C1orf21: variants seen among roughly 807,000 people sequenced by gnomAD.
The protein encoded by C1orf21 is chromosome 1 open reading frame 21.
Under a neutral mutation model 18.7 loss-of-function variants are expected in C1orf21, and 3 were observed. That is an observed-to-expected ratio of 0.16 (90% CI 0.07 to 0.42). The LOEUF is 0.42. Among genes scored for constraint, C1orf21 ranks in the 10% least tolerant of loss-of-function variants. The pLI, the probability that C1orf21 is intolerant of heterozygous loss-of-function variation, is 0.99. For missense variants in C1orf21, 104 were observed against 143.6 expected (o/e 0.72, Z 1.41); for synonymous variants, 41 against 46.4 (o/e 0.88, Z 0.47).
At chr1:184,499,766 AAGGACAAATCTCTCTGCAAC>A (rs1229334692) in intron 2 of C1orf21, among the ~76,000 whole-genome samples, 3 of 152,096 alleles carry the variant, frequency 2.0e-5, no homozygotes, top group Admixed American at 2.0e-4. Context: ...CTAACCAACC[AAGGACAAATCTCTCTGCAAC>A]TGTAAAAGAG....
intron 3 of C1orf21, among the ~76,000 whole-genome samples, chr1:184,549,768 G>A (rs1365962358): frequency 6.6e-6 from 1 of 151,860 alleles, no homozygotes; most frequent in Non-Finnish European, 1.5e-5. Context: ...CATCACTACA[G>A]TCCCAATATG....
chr1:184,452,064 C>T (rs1243073801), intron 1 of C1orf21, among the ~76,000 whole-genome samples: 1 of 152,212 alleles, frequency 6.6e-6, no homozygotes. Flanking sequence ...AAGCCGCCTC[C>T]TTAAATGAAA....
At chr1:184,457,281 A>G (rs1657231884) in intron 1 of C1orf21, among the ~76,000 whole-genome samples, 1 of 152,220 alleles carries the variant, frequency 6.6e-6, no homozygotes. Context: ...CTGAGCAAAG[A>G]TGAGTAAAAC....
chr1:184,493,016 A>G (rs1657837240), intron 2 of C1orf21, among the ~76,000 whole-genome samples: 1 of 152,214 alleles, frequency 6.6e-6, no homozygotes, highest in Non-Finnish European at 1.5e-5. Flanking sequence ...GCCAGACTAT[A>G]ATAGGGCAAG....
chr1:184,583,130 T>C (rs1364558072), intron 3 of C1orf21, among the ~76,000 whole-genome samples: 4 of 152,120 alleles, frequency 2.6e-5, no homozygotes, highest in Non-Finnish European at 4.4e-5. Context: ...TGAGCCACTG[T>C]GCCTGGCCAG....
At chr1:184,406,376 G>A (rs1458068750) in intron 1 of C1orf21, among the ~76,000 whole-genome samples, 1 of 151,996 alleles carries the variant, frequency 6.6e-6, no homozygotes, top group African/African-American at 2.4e-5. Flanking sequence ...GAGGGTGAGG[G>A]AGTAATACTC....
At chr1:184,424,161 T>G (rs1487570290) in intron 1 of C1orf21, among the ~76,000 whole-genome samples, 2 of 152,216 alleles carry the variant, frequency 1.3e-5, no homozygotes, top group Non-Finnish European at 2.9e-5. Flanking sequence ...TTTTTGTGAT[T>G]GCTTTTATCA....
intron 3 of C1orf21, among the ~76,000 whole-genome samples, chr1:184,558,478 A>ACATAAACC (rs1430850721): frequency 1.3e-5 from 2 of 152,236 alleles, no homozygotes; most frequent in African/African-American, 4.8e-5. Context: ...GTCAAAATGT[A>ACATAAACC]CATAAACCAT....
At chr1:184,455,749 G>C (rs935792383) in intron 1 of C1orf21, among the ~76,000 whole-genome samples, 1 of 152,174 alleles carries the variant, frequency 6.6e-6, no homozygotes, top group Non-Finnish European at 1.5e-5. Context: ...AATATCTGCT[G>C]AATGGGATCA....
chr1:184,511,673 A>G (rs545866379), intron 3 of C1orf21, among the ~76,000 whole-genome samples: 5 of 152,346 alleles, frequency 3.3e-5, no homozygotes, highest in East Asian at 1.9e-4. Context: ...TCCTATAAAG[A>G]CATATCTGAG....
intron 5 of C1orf21, among the ~76,000 whole-genome samples, chr1:184,615,056 T>C (rs1340092733): frequency 6.6e-6 from 1 of 152,256 alleles, no homozygotes; most frequent in Non-Finnish European, 1.5e-5. Flanking sequence ...AGTCACTCTT[T>C]GAGCTGTTGC....
chr1:184,415,027 G>GT (rs1478598967), intron 1 of C1orf21, among the ~76,000 whole-genome samples: 1 of 152,198 alleles, frequency 6.6e-6, no homozygotes, highest in African/African-American at 2.4e-5. Flanking sequence ...CACATGTGTA[G>GT]TTTTGGGCTG....
At chr1:184,498,186 C>T (rs1022551940) in intron 2 of C1orf21, among the ~76,000 whole-genome samples, 2 of 152,204 alleles carry the variant, frequency 1.3e-5, no homozygotes, top group African/African-American at 4.8e-5. Flanking sequence ...CAGCTCTCCT[C>T]CACCAGGTGG....
chr1:184,442,800 T>C (rs1040753216), intron 1 of C1orf21, among the ~76,000 whole-genome samples: 4 of 152,170 alleles, frequency 2.6e-5, no homozygotes, highest in Non-Finnish European at 4.4e-5. Flanking sequence ...TATTTATATA[T>C]ATAAAAAATT....
rs75030085 is a variant in C1orf21, at chr1:184,443,213, T to C, written c.-124-34173T>C. Among the ~76,000 whole-genome samples, 492 of 152,332 alleles carry C rather than the reference T, an allele frequency of 3.2e-3. 1 individual carries two copies. The highest frequency in any genetic ancestry group is 0.011 in the African/African-American group (458 of 41,582). ...TTCTACTCCTTGCGTGCAAATTTAT[T>C]TTATTTCTGTGGACTGTTCCTCTGT... On this transcript the variant is annotated intron_variant, in intron 1 of 5. Coordinates refer to ENST00000235307, the MANE Select transcript of C1orf21 (RefSeq NM_030806.4).
chr1:184,426,679 G>C (rs994356940), intron 1 of C1orf21, among the ~76,000 whole-genome samples: 2 of 152,056 alleles, frequency 1.3e-5, no homozygotes, highest in Non-Finnish European at 2.9e-5. Context: ...GCCTCTCTTA[G>C]CATCAGGTAC....
intron 3 of C1orf21, chr1:184,568,289 A>G (rs141503922): frequency 0.021 from 7,108 of 335,116 alleles, 252 homozygotes; most frequent in Admixed American, 0.099. Flanking sequence ...GTACATTCAC[A>G]TTATTGTGCA....
At chr1:184,450,424 A>G (rs2101979252) in intron 1 of C1orf21, among the ~76,000 whole-genome samples, 1 of 152,298 alleles carries the variant, frequency 6.6e-6, no homozygotes, top group South Asian at 2.1e-4. Context: ...AGAATAAGCT[A>G]TCTGCTCAAT....
chr1:184,595,448 T>C (rs1372045509), intron 4 of C1orf21, among the ~76,000 whole-genome samples: 1 of 152,178 alleles, frequency 6.6e-6, no homozygotes, highest in Non-Finnish European at 1.5e-5. Context: ...CTCTTGAAGG[T>C]AAACACATAT....
Sources: allele counts gnomAD v4.1 joint callset (sites outside exome capture counted in the v4.1 genomes callset), GRCh38; gene constraint gnomAD v4.1.1; transcripts MANE v1.5; gene names NCBI Gene and HGNC (gene_info 2026-07-23, HGNC 2026-07-21).